RETREG1: variants seen among roughly 807,000 people sequenced by gnomAD.
RETREG1 encodes reticulophagy regulator 1.
Under a neutral mutation model 54.8 loss-of-function variants are expected in RETREG1, and 44 were observed. That is an observed-to-expected ratio of 0.80 (90% CI 0.63 to 1.03). The LOEUF is 1.03. Among genes scored for constraint, RETREG1 ranks in the 50% least tolerant of loss-of-function variants. RETREG1 has a pLI of 0.00. For synonymous variants in RETREG1, 217 were observed against 238.5 expected, an observed-to-expected ratio of 0.91 and a Z score of 0.83; for missense variants, 554 against 605.1, an observed-to-expected ratio of 0.92 and a Z score of 0.89.
chr5:16,568,977 T>C (rs1742097590), intron 2 of RETREG1, among the ~76,000 whole-genome samples: 2 of 152,176 alleles, frequency 1.3e-5, no homozygotes, highest in African/African-American at 4.8e-5. Context: ...TTCATTGTCA[T>C]TGTCGTTGCT....
intron 1 of RETREG1, among the ~76,000 whole-genome samples, chr5:16,591,080 G>C (rs966724731): frequency 6.6e-6 from 1 of 152,080 alleles, no homozygotes; most frequent in Non-Finnish European, 1.5e-5. Flanking sequence ...AAAAACTAAG[G>C]AATTGGGGCA....
At chr5:16,481,630 G>C (rs1318374810) in intron 4 of RETREG1, among the ~76,000 whole-genome samples, 1 of 151,816 alleles carries the variant, frequency 6.6e-6, no homozygotes, top group African/African-American at 2.4e-5. Flanking sequence ...TAAATTTATG[G>C]CCATCACTAT....
chr5:16,510,916 T>C (rs940877125), intron 3 of RETREG1, among the ~76,000 whole-genome samples: 5 of 152,152 alleles, frequency 3.3e-5, no homozygotes, highest in African/African-American at 1.2e-4. Context: ...AATTTTACCT[T>C]TTCTTTCTCC....
chr5:16,535,732 C>T (rs57513469), intron 3 of RETREG1, among the ~76,000 whole-genome samples: 64 of 76,666 alleles, frequency 8.3e-4, no homozygotes, highest in African/African-American at 2.8e-3. Context: ...CCTGTGTGCA[C>T]GCTGCCTTCA....
At chr5:16,587,301 T>G (rs1186029492) in intron 1 of RETREG1, among the ~76,000 whole-genome samples, 1 of 152,206 alleles carries the variant, frequency 6.6e-6, no homozygotes, top group African/African-American at 2.4e-5. Context: ...CCATCGCATG[T>G]AATGTTCCTA....
chr5:16,532,775 A>G (rs960561104), intron 3 of RETREG1, among the ~76,000 whole-genome samples: 7 of 152,212 alleles, frequency 4.6e-5, no homozygotes, highest in African/African-American at 1.4e-4. Flanking sequence ...TTCCTGTAAC[A>G]TAGCTCATGT....
chr5:16,579,575 T>C (rs1364319993), intron 1 of RETREG1, among the ~76,000 whole-genome samples: 1 of 152,194 alleles, frequency 6.6e-6, no homozygotes, highest in Non-Finnish European at 1.5e-5. Context: ...ACAGAATAGT[T>C]TTCTGGCCGT....
intron 2 of RETREG1, among the ~76,000 whole-genome samples, chr5:16,568,243 C>A (rs1742072787): frequency 7.5e-6 from 1 of 132,692 alleles, no homozygotes; most frequent in Non-Finnish European, 1.8e-5. Context: ...ACAGGTTTCA[C>A]AAACATTCAC....
intron 3 of RETREG1, among the ~76,000 whole-genome samples, chr5:16,501,500 G>A (rs1739710842): frequency 6.6e-6 from 1 of 152,184 alleles, no homozygotes; most frequent in South Asian, 2.1e-4. Context: ...CTGTTAGGGA[G>A]AGAGTTCATT....
intron 8 of RETREG1, among the ~76,000 whole-genome samples, chr5:16,476,644 A>G (rs895100071): frequency 3.3e-5 from 5 of 152,076 alleles, no homozygotes; most frequent in African/African-American, 9.7e-5. Context: ...GCAAACTAAC[A>G]CAGGAACAGA....
intron 3 of RETREG1, chr5:16,509,110 C>T: frequency 1.4e-6 from 1 of 738,146 alleles, no homozygotes; most frequent in Non-Finnish European, 1.6e-6. Flanking sequence ...GTTGAAACAT[C>T]ACCCTGGGCT....
intron 3 of RETREG1, among the ~76,000 whole-genome samples, chr5:16,494,627 A>G (rs1449132683): frequency 6.6e-6 from 1 of 152,162 alleles, no homozygotes. Flanking sequence ...CAGCTTCCTT[A>G]GGCCTCCCCG....
chr5:16,589,819 A>G lies in RETREG1; in HGVS notation c.321-17717T>C, dbSNP rs2447814. The stretch of plus-strand genomic sequence containing the variant: ...GACAAATATTTGGGCACCAATACTA[A>G]GTATCAGGAAAGTCCACTCTGGCCC... On this transcript the variant is annotated intron_variant, in intron 1 of 8. Coordinates refer to ENST00000306320, the MANE Select transcript of RETREG1 (RefSeq NM_001034850.3). 3.0e-3 allele frequency among the ~76,000 whole-genome samples: 463 copies of G among 152,334 alleles called. 1 individual carries two copies. The highest frequency in any genetic ancestry group is 0.01 in the African/African-American group (420 of 41,568).
intron 3 of RETREG1, chr5:16,509,053 T>G: frequency 1.0e-6 from 1 of 991,678 alleles, no homozygotes; most frequent in Non-Finnish European, 1.2e-6. Flanking sequence ...TTTTTTTTTT[T>G]TCTGGCATGA....
intron 3 of RETREG1, among the ~76,000 whole-genome samples, chr5:16,526,990 C>G (rs907935715): frequency 2.6e-5 from 4 of 152,234 alleles, no homozygotes; most frequent in Non-Finnish European, 5.9e-5. Flanking sequence ...GTGCGAAAGA[C>G]TGGCCTCCTC....
At chr5:16,477,339 T>C (rs150998965) in intron 8 of RETREG1, among the ~76,000 whole-genome samples, 38 of 152,266 alleles carry the variant, frequency 2.5e-4, no homozygotes, top group African/African-American at 8.9e-4. Context: ...AAGAAATGCA[T>C]ACCAATTAAC....
chr5:16,530,612 C>A (rs1740883513), intron 3 of RETREG1, among the ~76,000 whole-genome samples: 1 of 152,206 alleles, frequency 6.6e-6, no homozygotes, highest in African/African-American at 2.4e-5. Context: ...GTGACTCACG[C>A]CTGTAATCCC....
At chr5:16,554,724 T>C (rs1741637839) in intron 3 of RETREG1, among the ~76,000 whole-genome samples, 1 of 152,226 alleles carries the variant, frequency 6.6e-6, no homozygotes, top group African/African-American at 2.4e-5. Context: ...TGATCTTTCG[T>C]GTCCCTATAT....
intron 3 of RETREG1, 92 bp from the exon 4 acceptor site, chr5:16,483,564 G>T (rs1006963680): frequency 7.4e-7 from 1 of 1,354,472 alleles, no homozygotes; most frequent in Non-Finnish European, 1.0e-6. Flanking sequence ...AGCATCTACT[G>T]TTGGCCACAC....
Sources: gnomAD v4.1 joint callset for allele counts (sites outside exome capture counted in the v4.1 genomes callset) on GRCh38, gnomAD v4.1.1 for gene constraint, MANE v1.5 for transcripts, NCBI Gene and HGNC (gene_info 2026-07-23, HGNC 2026-07-21) for gene names.